CCDC102B: variants seen among roughly 807,000 people sequenced by gnomAD.
The protein encoded by CCDC102B is coiled-coil domain containing 102B.
In CCDC102B, 75 loss-of-function variants were observed where a neutral mutation model predicts 57.4. The ratio of observed to expected loss-of-function variants is 1.31; its 90% CI spans 1.08 to 1.58. The LOEUF is 1.58. CCDC102B is among the 40% of genes most tolerant of loss of function. The pLI, the probability that CCDC102B is intolerant of heterozygous loss-of-function variation, is 0.00. For missense variants in CCDC102B, 636 were observed against 582.6 expected, an observed-to-expected ratio of 1.09 and a Z score of -0.94; for synonymous variants, 206 against 201.9, an observed-to-expected ratio of 1.02 and a Z score of -0.17.
At position 68,715,243 on chromosome 18, in the gene CCDC102B, C is replaced by G. The variant is rs570898827; in HGVS notation, c.-252C>G. 1,232 of 1,342,716 alleles carry G rather than the reference C, an allele frequency of 9.2e-4. 3 individuals are homozygous for G. The highest frequency in any genetic ancestry group is 2.2e-3 in the Admixed American group (60 of 27,342). The allele number at this position is 1,342,716 out of a possible 1,614,324, so 83.2% of individuals were successfully genotyped here. On this transcript the variant is annotated 5_prime_UTR_variant, in exon 1 of 4. Transcript: ENST00000578970. ...GAATCCTTTGCGCTCTCGGTGCCCC[C>G]CTCCACGCCCAGGAGCGTGGGAACC... is the stretch of plus-strand genomic sequence containing the variant.
chr18:68,748,232 G>A (rs1048333336), intron 2 of CCDC102B, among the ~76,000 whole-genome samples: 6 of 151,154 alleles, frequency 4.0e-5, no homozygotes, highest in South Asian at 4.2e-4. Flanking sequence ...GTGTGTGTGT[G>A]TGTGTGTGTG....
chr18:69,045,935 A>T (rs555226205), intron 7 of CCDC102B, among the ~76,000 whole-genome samples: 3 of 152,092 alleles, frequency 2.0e-5, no homozygotes, highest in African/African-American at 7.2e-5. Flanking sequence ...AAGAACATAA[A>T]CTCATTCTTT....
chr18:68,846,457 C>A, intron 4 of CCDC102B, 36 bp downstream of exon 4: 2 of 1,337,972 alleles, frequency 1.5e-6, no homozygotes, highest in Non-Finnish European at 2.1e-6. Flanking sequence ...AGAAATGAAG[C>A]CTAGCTTTTT....
intron 6 of CCDC102B, among the ~76,000 whole-genome samples, chr18:68,977,556 TAAAA>T (rs79692983): frequency 3.6e-5 from 5 of 139,504 alleles, no homozygotes; most frequent in African/African-American, 1.3e-4. Flanking sequence ...ACTATAGCAC[TAAAA>T]AAAAAAAAAC....
chr18:68,741,764 C>A (rs970543036), intron 2 of CCDC102B, among the ~76,000 whole-genome samples: 1 of 151,628 alleles, frequency 6.6e-6, no homozygotes, highest in African/African-American at 2.4e-5. Flanking sequence ...GGCTTTCTTG[C>A]GAGAACAGGG....
intron 2 of CCDC102B, among the ~76,000 whole-genome samples, chr18:68,750,566 T>C (rs867715144): frequency 6.6e-6 from 1 of 152,024 alleles, no homozygotes; most frequent in South Asian, 2.1e-4. Context: ...CCATCAATGA[T>C]AGACTGGATT....
At chr18:68,825,877 C>A (rs1368748537) in intron 1 of CCDC102B, among the ~76,000 whole-genome samples, 1 of 152,074 alleles carries the variant, frequency 6.6e-6, no homozygotes, top group Non-Finnish European at 1.5e-5. Flanking sequence ...TCTTGAAAAG[C>A]ACTTTAGGAA....
At chr18:68,921,027 C>A (rs2041259760) in intron 6 of CCDC102B, among the ~76,000 whole-genome samples, 1 of 152,150 alleles carries the variant, frequency 6.6e-6, no homozygotes, top group South Asian at 2.1e-4. Flanking sequence ...TTCTCCTCAT[C>A]CAGAGATGAG....
At chr18:68,754,220 A>G (rs2033964613) in intron 2 of CCDC102B, 1 of 152,208 alleles carries the variant, frequency 6.6e-6, no homozygotes, top group Non-Finnish European at 1.5e-5. Context: ...AACACAAATA[A>G]TTCCCTCTCT....
intron 2 of CCDC102B, among the ~76,000 whole-genome samples, chr18:68,744,426 C>A (rs909080535): frequency 6.6e-6 from 1 of 152,110 alleles, no homozygotes; most frequent in Non-Finnish European, 1.5e-5. Flanking sequence ...AATCTGGGCC[C>A]TTTCAGTGAC....
At chr18:68,749,087 G>A (rs1358638529) in intron 2 of CCDC102B, among the ~76,000 whole-genome samples, 2 of 152,142 alleles carry the variant, frequency 1.3e-5, no homozygotes, top group Admixed American at 6.6e-5. Flanking sequence ...CATGGTTGTA[G>A]ATGTGTGGTA....
chr18:68,915,263 C>T (rs1022002264), intron 6 of CCDC102B, among the ~76,000 whole-genome samples: 1 of 152,132 alleles, frequency 6.6e-6, no homozygotes, highest in African/African-American at 2.4e-5. Flanking sequence ...GAAGTCTTCC[C>T]CGCCAAGGTG....
intron 3 of CCDC102B, among the ~76,000 whole-genome samples, chr18:68,842,549 G>A (rs2037681406): frequency 6.6e-6 from 1 of 152,086 alleles, no homozygotes; most frequent in Admixed American, 6.6e-5. Context: ...ATCAGAGGTG[G>A]CCACCTAGAC....
chr18:68,812,066 C>T (rs2036286966), intron 1 of CCDC102B, among the ~76,000 whole-genome samples: 1 of 152,100 alleles, frequency 6.6e-6, no homozygotes, highest in Non-Finnish European at 1.5e-5. Flanking sequence ...TAGATTTTTA[C>T]CATTACAAAT....
intron 4 of CCDC102B, among the ~76,000 whole-genome samples, chr18:68,852,562 C>T (rs1347919461): frequency 6.6e-6 from 1 of 152,172 alleles, no homozygotes; most frequent in African/African-American, 2.4e-5. Context: ...GTCAACATAG[C>T]ACTTTGGCAC....
chr18:68,977,046 A>G lies in CCDC102B; in HGVS notation c.1264-33888A>G, dbSNP rs145555038. 1.1e-4 allele frequency among the ~76,000 whole-genome samples: 17 copies of G among 152,064 alleles called. No individual in the cohort carries two copies. In the East Asian group the frequency reaches 3.1e-3, roughly 28 times the overall value. On this transcript the variant is annotated intron_variant, in intron 6 of 7. Transcript: ENST00000360242. Reference sequence around the variant, plus strand: ...TATATATCCTATAAATCCTGATCTAATTTATTCTTAGATATTTTACACAAT... The same window carrying G: ...TATATATCCTATAAATCCTGATCTAGTTTATTCTTAGATATTTTACACAAT...
intron 2 of CCDC102B, among the ~76,000 whole-genome samples, chr18:68,769,110 G>A (rs1421557444): frequency 2.6e-5 from 4 of 151,916 alleles, no homozygotes; most frequent in Admixed American, 6.6e-5. Context: ...AAAATTTGCC[G>A]GGCATGGTGG....
At chr18:68,734,272 T>C (rs1224576567) in intron 2 of CCDC102B, among the ~76,000 whole-genome samples, 1 of 152,230 alleles carries the variant, frequency 6.6e-6, no homozygotes, top group Non-Finnish European at 1.5e-5. Context: ...AGCAGATACC[T>C]AGCTCTGAAA....
Position 68,777,736 on chromosome 18 carries a change from G to A in CCDC102B, c.-66-45630G>A, listed in dbSNP as rs115900012. 6.9e-3 allele frequency among the ~76,000 whole-genome samples: 1,049 copies of A among 152,238 alleles called. 16 individuals carry two copies. The highest frequency in any genetic ancestry group is 0.024 in the African/African-American group (1,008 of 41,554). ...TGCCTCAAATTAAGCAGATTAAAGA[G>A]TAACTCGAAGAGAGTCTTGCCTGGA... On this transcript the variant is annotated intron_variant, in intron 2 of 3. Coordinates refer to the CCDC102B transcript ENST00000578970.
Sources: gnomAD v4.1 joint callset for allele counts (sites outside exome capture counted in the v4.1 genomes callset) on GRCh38, gnomAD v4.1.1 for gene constraint, MANE v1.5 for transcripts, NCBI Gene and HGNC (gene_info 2026-07-23, HGNC 2026-07-21) for gene names.